The following MAGI3 variants were observed in gnomAD, a reference collection of about 807,000 sequenced individuals.
The protein encoded by MAGI3 is membrane associated guanylate kinase, WW and PDZ domain containing 3, also known as membrane-associated guanylate kinase, WW and PDZ domain-containing protein 3.
Under a neutral mutation model 121.8 loss-of-function variants are expected in MAGI3, and 43 were observed. The ratio of observed to expected loss-of-function variants is 0.35; its 90% CI spans 0.28 to 0.46. MAGI3 has a LOEUF of 0.46. MAGI3 is among the 20% of genes least tolerant of loss of function. The probability of loss-of-function intolerance (pLI) is 1.00; values close to 1 mark genes in which losing one functional copy is unlikely to be tolerated. For synonymous variants in MAGI3, 553 were observed against 639.3 expected (o/e 0.86, Z 2.04); for missense variants, 1,547 against 1,797.3 (o/e 0.86, Z 2.52).
At position 113,682,881 on chromosome 1, in the gene MAGI3, CA is replaced by C. The variant is rs1648302742; in HGVS notation, c.3329-13del. ...TTCTAAAATTTAATAATGTTCCATT[CA>C]AATCACTTTTTTAGGTGATTGGGAT... On this transcript the variant is annotated splice_polypyrimidine_tract_variant and intron_variant, in intron 20 of 20. Transcript: ENST00000307546. The C allele has an allele frequency of 6.5e-7, 1 of 1,540,542 alleles. No homozygotes were observed. The highest frequency in any genetic ancestry group is 1.4e-5 in the African/African-American group (1 of 72,022).
chr1:113,467,500 T>C (rs991124043), intron 1 of MAGI3, among the ~76,000 whole-genome samples: 3 of 152,066 alleles, frequency 2.0e-5, no homozygotes, highest in Non-Finnish European at 4.4e-5. Flanking sequence ...CTCTGAATGA[T>C]CTATTACTGA....
chr1:113,437,047 C>T (rs1303426966), intron 1 of MAGI3, among the ~76,000 whole-genome samples: 4 of 152,098 alleles, frequency 2.6e-5, no homozygotes, highest in Non-Finnish European at 5.9e-5. Flanking sequence ...ATCTCCTGAG[C>T]TTGTGATCCG....
chr1:113,543,162 G>A (rs1009897007), intron 1 of MAGI3, among the ~76,000 whole-genome samples: 2 of 151,914 alleles, frequency 1.3e-5, no homozygotes, highest in Non-Finnish European at 2.9e-5. Context: ...AGTGTTTTTG[G>A]CTTTTCCTGC....
At chr1:113,670,747 C>A (rs1235647673) in intron 16 of MAGI3, among the ~76,000 whole-genome samples, 2 of 152,138 alleles carry the variant, frequency 1.3e-5, no homozygotes, top group African/African-American at 4.8e-5. Flanking sequence ...TCCTTTGATA[C>A]TATAACCCAG....
intron 1 of MAGI3, among the ~76,000 whole-genome samples, chr1:113,419,813 A>G (rs1652642522): frequency 1.3e-5 from 2 of 152,274 alleles, no homozygotes; most frequent in South Asian, 4.1e-4. Flanking sequence ...GGAGGGCTGC[A>G]TTCCTTCTGG....
At chr1:113,582,361 A>G (rs890861532) in intron 3 of MAGI3, among the ~76,000 whole-genome samples, 10 of 152,136 alleles carry the variant, frequency 6.6e-5, no homozygotes, top group African/African-American at 2.4e-4. Flanking sequence ...TGAAACAGTG[A>G]CAGAATGGAA....
chr1:113,408,526 TG>T (rs889588330), intron 1 of MAGI3, among the ~76,000 whole-genome samples: 3 of 145,358 alleles, frequency 2.1e-5, no homozygotes, highest in Non-Finnish European at 4.4e-5. Context: ...GAGACATGTT[TG>T]TCTTTAAAAG....
chr1:113,683,177 T>C lies in MAGI3; in HGVS notation c.3609T>C (p.Ser1203=), dbSNP rs1348050469. The change falls in exon 21 of 21, where the codon AGT becomes AGC. Residue 1203 remains serine (S), a synonymous_variant. Transcript: ENST00000307546. ...ATCCACCCAGCAGTCATGGGCACAGTAACAAGAAAAATCTATTAAAAGTAG... is the reference window on the plus strand; with the variant it reads ...ATCCACCCAGCAGTCATGGGCACAGCAACAAGAAAAATCTATTAAAAGTAG... The part of the protein sequence containing the change: ...KRDPPSSHGH[S]NKKNLLKVEN... 1.2e-6 allele frequency: 2 copies of C among 1,613,742 alleles called. No individual in the cohort carries two copies. Among genetic ancestry groups the C allele is most frequent in the East Asian group, 4.5e-5 (2 of 44,892 alleles).
intron 16 of MAGI3, among the ~76,000 whole-genome samples, chr1:113,667,973 C>A (rs537625239): frequency 6.6e-6 from 1 of 152,056 alleles, no homozygotes; most frequent in Non-Finnish European, 1.5e-5. Context: ...CACCCAAAAA[C>A]AATTAGAGAC....
intron 1 of MAGI3, among the ~76,000 whole-genome samples, chr1:113,472,210 T>G (rs1221973821): frequency 1.3e-5 from 2 of 151,772 alleles, no homozygotes; most frequent in South Asian, 2.1e-4. Flanking sequence ...TCTTGTTTTT[T>G]TTTTTTTTTT....
intron 2 of MAGI3, among the ~76,000 whole-genome samples, chr1:113,579,610 TAGG>T (rs1455920802): frequency 1.3e-5 from 2 of 152,104 alleles, no homozygotes; most frequent in African/African-American, 4.8e-5. Flanking sequence ...CTGCAGTGAC[TAGG>T]AGGAGTGTAG....
chr1:113,587,570 A>G (rs1043711433), intron 4 of MAGI3, among the ~76,000 whole-genome samples: 3 of 152,238 alleles, frequency 2.0e-5, no homozygotes, highest in African/African-American at 7.2e-5. Flanking sequence ...GAGGATAGGT[A>G]GAGGTTTATT....
chr1:113,392,991 A>G (rs1220519160), intron 1 of MAGI3, among the ~76,000 whole-genome samples: 2 of 152,200 alleles, frequency 1.3e-5, no homozygotes, highest in African/African-American at 2.4e-5. Context: ...TAGGGCATAG[A>G]TGAGAATATA....
intron 1 of MAGI3, among the ~76,000 whole-genome samples, chr1:113,444,111 T>A (rs1397155744): frequency 6.6e-6 from 1 of 152,222 alleles, no homozygotes; most frequent in African/African-American, 2.4e-5. Flanking sequence ...CAGTTACAGC[T>A]CTTCGCATGG....
At chr1:113,661,883 A>G (rs1653801788) in intron 16 of MAGI3, among the ~76,000 whole-genome samples, 1 of 152,180 alleles carries the variant, frequency 6.6e-6, no homozygotes, top group Admixed American at 6.5e-5. Context: ...TTTTTTTTAA[A>G]CTATGAAAAC....
chr1:113,447,540 A>G (rs1028435623), intron 1 of MAGI3, among the ~76,000 whole-genome samples: 2 of 152,156 alleles, frequency 1.3e-5, no homozygotes, highest in African/African-American at 4.8e-5. Flanking sequence ...TAGCAATCAC[A>G]ATAAAACTGG....
intron 4 of MAGI3, 82 bp from the exon 5 acceptor site, chr1:113,590,402 T>C: frequency 7.7e-7 from 1 of 1,302,386 alleles, no homozygotes; most frequent in African/African-American, 3.3e-5. Flanking sequence ...TATTTGGAAT[T>C]TTTTTAGAAA....
At chr1:113,427,669 A>C (rs561032020) in intron 1 of MAGI3, among the ~76,000 whole-genome samples, 1 of 152,266 alleles carries the variant, frequency 6.6e-6, no homozygotes, top group South Asian at 2.1e-4. Flanking sequence ...TGTCTCTTGC[A>C]GTATTTCTTG....
At chr1:113,543,840 C>T (rs1271529307) in intron 1 of MAGI3, among the ~76,000 whole-genome samples, 1 of 150,260 alleles carries the variant, frequency 6.7e-6, no homozygotes, top group Non-Finnish European at 1.5e-5. Context: ...TGCATTCCAG[C>T]CTGGTTGACA....
Sources: allele counts gnomAD v4.1 joint callset (sites outside exome capture counted in the v4.1 genomes callset), GRCh38; gene constraint gnomAD v4.1.1; transcripts MANE v1.5; gene names NCBI Gene and HGNC (gene_info 2026-07-23, HGNC 2026-07-21).